The following ELMOD3 variants were observed in gnomAD, a reference collection of about 807,000 sequenced individuals.
The protein encoded by ELMOD3 is ELMO domain-containing protein 3.
ELMOD3 carries 36 observed loss-of-function variants against 47.4 expected under a neutral mutation model. The observed-to-expected ratio is 0.76, with a 90% confidence interval of 0.58 to 1.00. The LOEUF is 1.00. Among genes scored for constraint, ELMOD3 ranks in the 50% least tolerant of loss-of-function variants. ELMOD3 has a pLI of 0.00. For missense variants in ELMOD3, 404 were observed against 463.8 expected (o/e 0.87, Z 1.18); for synonymous variants, 149 against 183.5 (o/e 0.81, Z 1.52).
chr2:85,383,742 G>A lies in ELMOD3; in HGVS notation c.739-6009G>A, dbSNP rs151077219. On this transcript the variant is annotated intron_variant, in intron 11 of 13. Transcript: ENST00000409013. ...TTAGCTCATGCTGGTACCAAGCATG[G>A]ATAGGAGATTTGTCAAAGGCCAGGG... Among the ~76,000 whole-genome samples the A allele has an allele frequency of 3.8e-3, 580 of 152,306 alleles. 8 individuals are homozygous for A. The highest frequency in any genetic ancestry group is 0.013 in the African/African-American group (548 of 41,570).
chr2:85,370,537 A>G (rs1370003075), intron 8 of ELMOD3, among the ~76,000 whole-genome samples: 2 of 152,170 alleles, frequency 1.3e-5, no homozygotes, highest in African/African-American at 4.8e-5. Context: ...GGCTAAAAAG[A>G]TAGGAACCAA....
chr2:85,385,452 G>C lies in ELMOD3; in HGVS notation c.739-4299G>C, dbSNP rs540974155. The stretch of plus-strand genomic sequence containing the variant: ...GGGTTGTTCTCTGGCTGGCAGGGGT[G>C]GGGGTCACAGTGCTCAGTTGGGGAG... On this transcript the variant is annotated intron_variant, in intron 11 of 13. Coordinates refer to ENST00000409013, the MANE Select transcript of ELMOD3 (RefSeq NM_001135022.2). Among the ~76,000 whole-genome samples the C allele has an allele frequency of 8.5e-5, 13 of 152,342 alleles. No individual in the cohort carries two copies. The South Asian group carries it at 2.5e-3, about 29-fold the overall frequency.
chr2:85,365,455 G>A (rs932612410), intron 6 of ELMOD3, among the ~76,000 whole-genome samples: 15 of 152,086 alleles, frequency 9.9e-5, no homozygotes, highest in Non-Finnish European at 1.9e-4. Flanking sequence ...GTGGAAGAGA[G>A]CTGAAATAAA....
At position 85,377,460 on chromosome 2, in the gene ELMOD3, C is replaced by T. The variant is rs747824029; in HGVS notation, c.724C>T (p.Arg242Cys). Residue 242 changes from arginine (R) to cysteine (C), a missense_variant, in exon 11 of 14, where the codon CGT becomes TGT. Arg to Cys is a radical substitution (Grantham distance 180). Coordinates refer to ENST00000409013, the MANE Select transcript of ELMOD3 (RefSeq NM_001135022.2). ...PMAQEIFRLS[R>C]HHIQQFPFCL... The stretch of plus-strand genomic sequence containing the variant: ...GGCGCAGGAGATTTTCCGCCTGTCT[C>T]GTCACCACATCCAGGTGAGACTTTG... 3.7e-6 allele frequency: 6 copies of T among 1,607,872 alleles called. No homozygotes were observed. The highest frequency in any genetic ancestry group is 1.1e-5 in the South Asian group (1 of 89,912).
intron 10 of ELMOD3, 173 bp downstream of exon 10, chr2:85,371,735 G>A (rs1684802640): frequency 1.1e-6 from 1 of 903,572 alleles, no homozygotes; most frequent in Non-Finnish European, 1.6e-6. Flanking sequence ...AGTTCTGCTT[G>A]AAAAATAGCA....
At chr2:85,379,427 G>A (rs886366609) in intron 11 of ELMOD3, among the ~76,000 whole-genome samples, 2 of 152,068 alleles carry the variant, frequency 1.3e-5, no homozygotes, top group Non-Finnish European at 2.9e-5. Flanking sequence ...GGCTGGTCTC[G>A]AGCTCCAGAC....
chr2:85,387,768 T>C (rs1332439587), intron 11 of ELMOD3, among the ~76,000 whole-genome samples: 4 of 151,884 alleles, frequency 2.6e-5, no homozygotes, highest in Admixed American at 6.6e-5. Context: ...CAAGACCACC[T>C]GCAGGTTCAA....
intron 11 of ELMOD3, among the ~76,000 whole-genome samples, chr2:85,378,955 AAAC>A (rs1685358316): frequency 6.6e-6 from 1 of 152,200 alleles, no homozygotes. Flanking sequence ...GAGGAAGTGA[AAAC>A]AACAACAACA....
intron 10 of ELMOD3, chr2:85,372,347 T>C (rs1383214970): frequency 6.6e-6 from 1 of 151,264 alleles, no homozygotes; most frequent in Non-Finnish European, 1.5e-5. Flanking sequence ...CAGAAAAAAA[T>C]AGCCAGAGTG....
In ELMOD3 at chr2:85,355,060, C is replaced by G. The variant is rs879512401; in HGVS notation, c.-371-16C>G. 6.5e-6 allele frequency: 1 copy of G among 153,726 alleles called. No homozygotes were observed. The highest frequency in any genetic ancestry group is 1.9e-4 in the East Asian group (1 of 5,194). The allele number at this position is 153,726 out of a possible 1,614,324, so 9.5% of individuals were successfully genotyped here. ...CCTTGAGGTGTTAAATTGCTTTCCT[C>G]GTCTTACGCCTCCAGGCTATGCGAA... On this transcript the variant is annotated splice_polypyrimidine_tract_variant and intron_variant, in intron 1 of 13. Coordinates refer to ENST00000409013, the MANE Select transcript of ELMOD3 (RefSeq NM_001135022.2).
At chr2:85,386,930 G>GAGGC (rs1685969910) in intron 11 of ELMOD3, 2 of 730,136 alleles carry the variant, frequency 2.7e-6, no homozygotes, top group Admixed American at 3.8e-5. Flanking sequence ...TTGAACCTGG[G>GAGGC]AGGCAGAGGT....
chr2:85,371,435 G>A lies in ELMOD3; in HGVS notation c.485-5G>A. ...GGCAGAGAGTGTGGGTGTGTTTTGG[G>A]GCAGGTGGCCTGGATAGCCAAGACC... On this transcript the variant is annotated splice_polypyrimidine_tract_variant and splice_region_variant and intron_variant, in intron 9 of 13. Coordinates refer to ENST00000409013, the MANE Select transcript of ELMOD3 (RefSeq NM_001135022.2). 1 of 1,614,178 alleles carries A rather than the reference G, an allele frequency of 6.2e-7. No individual in the cohort carries two copies. The highest frequency in any genetic ancestry group is 8.5e-7 in the Non-Finnish European group (1 of 1,180,034).
intron 6 of ELMOD3, among the ~76,000 whole-genome samples, chr2:85,366,159 C>G (rs529284577): frequency 7.0e-5 from 10 of 142,652 alleles, no homozygotes; most frequent in Non-Finnish European, 1.1e-4. Context: ...TTAGTAGAGA[C>G]AGGGTTTCAC....
chr2:85,364,823 ATATTT>A (rs1280621340), intron 6 of ELMOD3, among the ~76,000 whole-genome samples: 2 of 87,016 alleles, frequency 2.3e-5, no homozygotes, highest in African/African-American at 5.9e-5. Context: ...ATATATATAT[ATATTT>A]TTTTTTTTTT....
intron 11 of ELMOD3, among the ~76,000 whole-genome samples, chr2:85,379,125 G>A (rs569262856): frequency 3.3e-5 from 5 of 152,186 alleles, no homozygotes; most frequent in Admixed American, 1.3e-4. Flanking sequence ...AAGAAAGTAC[G>A]GCTTAATTTT....
At chr2:85,369,897 C>T (rs1398981449) in intron 8 of ELMOD3, 67 bp downstream of exon 8, 2 of 1,583,598 alleles carry the variant, frequency 1.3e-6, no homozygotes, top group Non-Finnish European at 1.7e-6. Flanking sequence ...AGCCTCTATC[C>T]CACCAGGACA....
In ELMOD3 at chr2:85,390,331, G is replaced by A. The variant is rs146572548; in HGVS notation, c.943+66G>A. 173 of 1,614,004 alleles carry A rather than the reference G, an allele frequency of 1.1e-4. 1 individual carries two copies. Among genetic ancestry groups the A allele is most frequent in the Middle Eastern group, 6.6e-4 (4 of 6,084 alleles). On this transcript the variant is annotated intron_variant, in intron 13 of 13. Transcript: ENST00000409013. ...GTGTCCCAGGTCCAGAGAGCCCAAG[G>A]TGGTTGCTAGACTGGTTTTGGCTGC...
At chr2:85,361,793 T>C (rs1683979772) in intron 4 of ELMOD3, among the ~76,000 whole-genome samples, 1 of 152,000 alleles carries the variant, frequency 6.6e-6, no homozygotes, top group African/African-American at 2.4e-5. Context: ...TAGTCGGGCC[T>C]GGTGGCAGGC....
At chr2:85,385,360 C>T (rs955525054) in intron 11 of ELMOD3, among the ~76,000 whole-genome samples, 14 of 151,688 alleles carry the variant, frequency 9.2e-5, no homozygotes, top group East Asian at 3.9e-4. Flanking sequence ...AAAGAGTCAG[C>T]GAAGGGAGAT....
Sources: gnomAD v4.1 joint callset for allele counts (sites outside exome capture counted in the v4.1 genomes callset) on GRCh38, gnomAD v4.1.1 for gene constraint, MANE v1.5 for transcripts, NCBI Gene and HGNC (gene_info 2026-07-23, HGNC 2026-07-21) for gene names.